CA10: variants seen among roughly 807,000 people sequenced by gnomAD.
CA10 encodes the protein carbonic anhydrase-related protein 10.
Under a neutral mutation model 44.2 loss-of-function variants are expected in CA10, and 14 were observed. The observed-to-expected ratio is 0.32, with a 90% CI of 0.21 to 0.50. CA10 has a LOEUF of 0.50. Among genes scored for constraint, CA10 ranks in the 20% least tolerant of loss-of-function variants. CA10 has a pLI of 0.99. For synonymous variants in CA10, 159 were observed against 141.6 expected (o/e 1.12, Z -0.87); for missense variants, 350 against 409.7 (o/e 0.85, Z 1.26).
intron 5 of CA10, among the ~76,000 whole-genome samples, chr17:51,651,094 C>T (rs1597963094): frequency 6.6e-6 from 1 of 152,144 alleles, no homozygotes; most frequent in East Asian, 1.9e-4. Flanking sequence ...TTTTCTACGG[C>T]TCAGCTTTTA....
At chr17:51,920,060 G>T (rs1274335068) in intron 3 of CA10, among the ~76,000 whole-genome samples, 1 of 152,112 alleles carries the variant, frequency 6.6e-6, no homozygotes, top group Admixed American at 6.5e-5. Flanking sequence ...TCTCTTGTAG[G>T]AATTCATCTG....
chr17:52,076,374 G>T (rs1426383713), intron 1 of CA10, among the ~76,000 whole-genome samples: 1 of 152,166 alleles, frequency 6.6e-6, no homozygotes, highest in East Asian at 1.9e-4. Context: ...CATCCATTCA[G>T]AAGCAGAACT....
chr17:51,802,555 C>A (rs1276877938), intron 3 of CA10, among the ~76,000 whole-genome samples: 1 of 129,944 alleles, frequency 7.7e-6, no homozygotes, highest in Non-Finnish European at 1.6e-5. Context: ...ATCATTTGTG[C>A]CTGATGTCTG....
At chr17:51,905,439 G>A (rs1266408736) in intron 3 of CA10, among the ~76,000 whole-genome samples, 1 of 151,548 alleles carries the variant, frequency 6.6e-6, no homozygotes, top group Non-Finnish European at 1.5e-5. Context: ...GCATAGAAGT[G>A]CCACATGCTA....
chr17:51,633,642 G>A lies in CA10; in HGVS notation c.798C>T (p.Ser266=), dbSNP rs200413902. 1.9e-6 allele frequency: 3 copies of A among 1,613,616 alleles called. No homozygotes were observed. Among genetic ancestry groups the A allele is most frequent in the Admixed American group, 3.3e-5 (2 of 59,972 alleles). Residue 266 remains serine, a synonymous_variant, in exon 8 of 9, where the codon TCC becomes TCT. Coordinates refer to ENST00000451037, the MANE Select transcript of CA10 (RefSeq NM_020178.5). Reference sequence around the variant, plus strand: ...GCTGGTTCTGGCTGAGCAGGCGCAAGGAATGCATCTGAGGAGAGAGAAGTG... The same window carrying A: ...GCTGGTTCTGGCTGAGCAGGCGCAAAGAATGCATCTGAGGAGAGAGAAGTG... ...PVYITRMQMH[S]LRLLSQNQPS...
chr17:51,849,792 G>A (rs181710125), intron 3 of CA10, among the ~76,000 whole-genome samples: 1 of 152,150 alleles, frequency 6.6e-6, no homozygotes, highest in South Asian at 2.1e-4. Flanking sequence ...CGGGAAATGG[G>A]CAATGAGATA....
At chr17:51,842,959 T>G (rs1021062622) in intron 3 of CA10, among the ~76,000 whole-genome samples, 2 of 152,214 alleles carry the variant, frequency 1.3e-5, no homozygotes, top group African/African-American at 4.8e-5. Context: ...ATATGCAGGC[T>G]TATTAAGTTA....
At position 51,752,239 on chromosome 17, in the gene CA10, G is replaced by A. The variant is rs1362151033; in HGVS notation, c.280-4421C>T. On this transcript the variant is annotated intron_variant, in intron 3 of 8. Coordinates refer to ENST00000451037, the MANE Select transcript of CA10 (RefSeq NM_020178.5). ...TGATATCTGAGGGTACATCTGCACC[G>A]CAGTAATTAACATTGCAGCAGTGCC... Among the ~76,000 whole-genome samples, 8 of 151,246 alleles carry A rather than the reference G, an allele frequency of 5.3e-5. No individual in the cohort carries two copies. The South Asian group carries it at 1.1e-3, about 20-fold the overall frequency.
chr17:52,133,186 G>T (rs1989278750), intron 1 of CA10, among the ~76,000 whole-genome samples: 1 of 152,108 alleles, frequency 6.6e-6, no homozygotes, highest in Non-Finnish European at 1.5e-5. Flanking sequence ...ACTGACCTTG[G>T]GGAACGAAAG....
intron 2 of CA10, among the ~76,000 whole-genome samples, chr17:52,018,346 G>T (rs183700293): frequency 6.6e-6 from 1 of 152,116 alleles, no homozygotes; most frequent in Admixed American, 6.5e-5. Context: ...GAGAGCAGCC[G>T]TGGGGGCTGT....
intron 1 of CA10, among the ~76,000 whole-genome samples, chr17:52,107,384 A>G (rs973422136): frequency 6.6e-6 from 1 of 152,160 alleles, no homozygotes; most frequent in Non-Finnish European, 1.5e-5. Flanking sequence ...GAATTTTCGG[A>G]AAGATAATTC....
intron 5 of CA10, among the ~76,000 whole-genome samples, chr17:51,651,717 T>C (rs947887860): frequency 6.6e-6 from 1 of 152,210 alleles, no homozygotes; most frequent in Non-Finnish European, 1.5e-5. Flanking sequence ...TCAGCTGTCA[T>C]GTGCCTGTGC....
chr17:51,677,918 G>T (rs1157606755), intron 4 of CA10, among the ~76,000 whole-genome samples: 1 of 149,520 alleles, frequency 6.7e-6, no homozygotes, highest in Non-Finnish European at 1.5e-5. Flanking sequence ...ATTGAAAATA[G>T]GTACCCAAAC....
Position 52,031,776 on chromosome 17 carries a change from C to T in CA10, c.136+40543G>A, listed in dbSNP as rs143126999. On this transcript the variant is annotated intron_variant, in intron 2 of 8. Transcript: ENST00000451037. Reference sequence around the variant, plus strand: ...AATGCTAATATCTTCTCCCATTCCGCCAAATTTCCCTTTGCAATAAGTTGC... The same window carrying T: ...AATGCTAATATCTTCTCCCATTCCGTCAAATTTCCCTTTGCAATAAGTTGC... 3.8e-4 allele frequency among the ~76,000 whole-genome samples: 58 copies of T among 152,162 alleles called. No individual in the cohort carries two copies. The East Asian group carries it at 9.3e-3, about 24-fold the overall frequency.
intron 3 of CA10, among the ~76,000 whole-genome samples, chr17:51,819,081 C>T (rs1158634864): frequency 3.3e-5 from 5 of 152,188 alleles, no homozygotes; most frequent in Admixed American, 2.6e-4. Flanking sequence ...CATAAGCAAC[C>T]ATGGCTATCT....
intron 2 of CA10, among the ~76,000 whole-genome samples, chr17:52,019,427 C>T (rs1047810610): frequency 6.6e-6 from 1 of 151,966 alleles, no homozygotes; most frequent in African/African-American, 2.4e-5. Flanking sequence ...ACTGATTCAC[C>T]CTCTCCGAAT....
At chr17:51,706,043 C>A (rs376571051) in intron 4 of CA10, among the ~76,000 whole-genome samples, 12 of 152,148 alleles carry the variant, frequency 7.9e-5, no homozygotes, top group African/African-American at 2.9e-4. Context: ...TCAGACAGGT[C>A]TGGTTGAAGT....
chr17:51,945,401 C>T (rs545245054), intron 2 of CA10, among the ~76,000 whole-genome samples: 12 of 152,150 alleles, frequency 7.9e-5, no homozygotes, highest in South Asian at 2.1e-4. Flanking sequence ...GAAGAAAAAC[C>T]GAAAACGATG....
intron 4 of CA10, among the ~76,000 whole-genome samples, chr17:51,665,854 GAAACCAAATATTT>G (rs1482790454): frequency 6.6e-6 from 1 of 152,242 alleles, no homozygotes; most frequent in Non-Finnish European, 1.5e-5. Flanking sequence ...ATGTAGAATT[GAAACCAAATATTT>G]AAACCAAAGT....
Sources: allele counts gnomAD v4.1 joint callset (sites outside exome capture counted in the v4.1 genomes callset), GRCh38; gene constraint gnomAD v4.1.1; transcripts MANE v1.5; gene names NCBI Gene and HGNC (gene_info 2026-07-23, HGNC 2026-07-21).